GPHN: variants seen among roughly 807,000 people sequenced by gnomAD.
GPHN encodes the protein gephyrin.
Under a neutral mutation model 95.5 loss-of-function variants are expected in GPHN, and 17 were observed. The observed-to-expected ratio is 0.18, with a 90% CI of 0.12 to 0.27. GPHN has a LOEUF of 0.27. Ranked by LOEUF, GPHN falls within the 10% of genes least tolerant of loss-of-function variation. The pLI is 1.00. For synonymous variants in GPHN, 320 were observed against 322.5 expected, an observed-to-expected ratio of 0.99 and a Z score of 0.08; for missense variants, 660 against 978.1, an observed-to-expected ratio of 0.67 and a Z score of 4.34.
chr14:66,998,017 G>T (rs2071935475), intron 9 of GPHN, among the ~76,000 whole-genome samples: 1 of 152,144 alleles, frequency 6.6e-6, no homozygotes, highest in South Asian at 2.1e-4. Flanking sequence ...CCATGAGAGT[G>T]TGTAAGAAGT....
chr14:67,638,639 G>C, the GPHN span, among the ~76,000 whole-genome samples: 1 of 152,068 alleles, frequency 6.6e-6, no homozygotes, highest in Non-Finnish European at 1.5e-5. Flanking sequence ...CGTTCTTCCT[G>C]AATATTCTAG....
the GPHN span, among the ~76,000 whole-genome samples, chr14:67,388,660 CAG>C: frequency 6.6e-6 from 1 of 152,166 alleles, no homozygotes; most frequent in Non-Finnish European, 1.5e-5. Context: ...ACAAAGCAAT[CAG>C]AAATATATAT....
At chr14:67,702,437 A>G in the GPHN span, among the ~76,000 whole-genome samples, 493 of 150,934 alleles carry the variant, frequency 3.3e-3, 4 homozygotes, top group African/African-American at 0.011. Context: ...TCTTACTTAT[A>G]AAAAAAATCA....
At chr14:66,700,021 A>C (rs541058808) in intron 2 of GPHN, among the ~76,000 whole-genome samples, 9 of 152,334 alleles carry the variant, frequency 5.9e-5, no homozygotes, top group African/African-American at 2.2e-4. Flanking sequence ...GAGAGAGATT[A>C]CATATAGGAA....
Position 67,068,845 on chromosome 14 carries a change from T to C in GPHN, c.1144+10059T>C, listed in dbSNP as rs866711803. On this transcript the variant is annotated intron_variant, in intron 11 of 22. Coordinates refer to ENST00000478722, the MANE Select transcript of GPHN (RefSeq NM_020806.5). Reference sequence around the variant, plus strand: ...GGCACATGTTCCCGTCTCTGACTTCTAGCTAGTTAGCTGCCTGAGCATAGG... The same window carrying C: ...GGCACATGTTCCCGTCTCTGACTTCCAGCTAGTTAGCTGCCTGAGCATAGG... Among the ~76,000 whole-genome samples, 13 of 152,274 alleles carry C rather than the reference T, an allele frequency of 8.5e-5. 2 individuals are homozygous for C. The highest frequency in any genetic ancestry group is 3.1e-4 in the African/African-American group (13 of 41,564).
At chr14:67,139,211 A>G (rs551437567) in intron 17 of GPHN, among the ~76,000 whole-genome samples, 2 of 150,992 alleles carry the variant, frequency 1.3e-5, no homozygotes, top group African/African-American at 4.9e-5. Flanking sequence ...CAACAAAGCA[A>G]TACTCCATCT....
chr14:67,039,475 A>G (rs1182248733), intron 10 of GPHN, among the ~76,000 whole-genome samples: 1 of 152,186 alleles, frequency 6.6e-6, no homozygotes, highest in African/African-American at 2.4e-5. Context: ...ACTGTGTAAG[A>G]TAGGAATCTC....
At chr14:67,640,890 CTA>C in the GPHN span, among the ~76,000 whole-genome samples, 31 of 152,272 alleles carry the variant, frequency 2.0e-4, no homozygotes, top group South Asian at 1.0e-3. Flanking sequence ...TTGAGCGTCC[CTA>C]ATCCAGAAAT....
chr14:67,091,912 C>T lies in GPHN; in HGVS notation c.1237+2837C>T, dbSNP rs112806434. On this transcript the variant is annotated intron_variant, in intron 12 of 22. Transcript: ENST00000478722. ...ATAAACAGTCCAAGAGATTATCTACCGTGAAGCTGATTCACATTGTTTCTT... is the reference window on the plus strand; with the variant it reads ...ATAAACAGTCCAAGAGATTATCTACTGTGAAGCTGATTCACATTGTTTCTT... Among the ~76,000 whole-genome samples the T allele has an allele frequency of 3.5e-3, 535 of 151,864 alleles. 7 individuals carry two copies. The highest frequency in any genetic ancestry group is 0.012 in the African/African-American group (499 of 41,468).
chr14:67,298,767 G>A, the GPHN span, among the ~76,000 whole-genome samples: 1 of 152,164 alleles, frequency 6.6e-6, no homozygotes, highest in African/African-American at 2.4e-5. Context: ...CTGCTATCAA[G>A]TTGTAGAAGC....
At chr14:67,340,226 TAA>T in the GPHN span, 1 of 486,210 alleles carries the variant, frequency 2.1e-6, no homozygotes, top group South Asian at 3.3e-5. Context: ...CTGAAAGGCC[TAA>T]GTTTTTGGAA....
At chr14:67,381,633 T>C in the GPHN span, 1 of 1,613,780 alleles carries the variant, frequency 6.2e-7, no homozygotes, top group South Asian at 1.1e-5. Flanking sequence ...GCATTGATGC[T>C]GTAAAAGAAG....
chr14:67,419,625 G>A, the GPHN span, among the ~76,000 whole-genome samples: 1 of 152,190 alleles, frequency 6.6e-6, no homozygotes, highest in Non-Finnish European at 1.5e-5. Context: ...CACTTTGGGA[G>A]GCCGAGGCGG....
chr14:67,430,001 G>T, the GPHN span, among the ~76,000 whole-genome samples: 1 of 152,168 alleles, frequency 6.6e-6, no homozygotes, highest in Non-Finnish European at 1.5e-5. Context: ...TGGAGCAGAT[G>T]GTACCCAGGT....
intron 4 of GPHN, among the ~76,000 whole-genome samples, chr14:66,858,966 G>T (rs1278747473): frequency 6.6e-6 from 1 of 152,114 alleles, no homozygotes; most frequent in Non-Finnish European, 1.5e-5. Context: ...CTCATGATTT[G>T]AGTGCCAACT....
the GPHN span, among the ~76,000 whole-genome samples, chr14:67,654,973 G>A: frequency 7.0e-5 from 10 of 142,044 alleles, no homozygotes; most frequent in African/African-American, 2.4e-4. Flanking sequence ...AGCTTGCAGC[G>A]AGCCGAGATT....
chr14:66,588,519 G>GT (rs1186819680), intron 1 of GPHN, among the ~76,000 whole-genome samples: 1 of 152,038 alleles, frequency 6.6e-6, no homozygotes, highest in African/African-American at 2.4e-5. Context: ...GCTAACTAGA[G>GT]TAACCAGTTT....
At chr14:66,809,608 GTC>G (rs534447113) in intron 3 of GPHN, among the ~76,000 whole-genome samples, 9 of 152,144 alleles carry the variant, frequency 5.9e-5, no homozygotes, top group Non-Finnish European at 1.2e-4. Context: ...ACTATTAGGA[GTC>G]TCTATGGCAT....
Position 66,745,443 on chromosome 14 carries a change from T to A in GPHN, c.144-31021T>A, listed in dbSNP as rs538629223. 2.0e-5 allele frequency among the ~76,000 whole-genome samples: 3 copies of A among 152,246 alleles called. No homozygotes were observed. In the South Asian group the frequency reaches 6.2e-4, roughly 31 times the overall value. ...TGTTAACATTGAGACAATAATATCATAAAATATAACATACAAACCTATTTT... is the reference window on the plus strand; with the variant it reads ...TGTTAACATTGAGACAATAATATCAAAAAATATAACATACAAACCTATTTT... On this transcript the variant is annotated intron_variant, in intron 2 of 22. Transcript: ENST00000478722.
Sources: allele counts gnomAD v4.1 joint callset (sites outside exome capture counted in the v4.1 genomes callset), GRCh38; gene constraint gnomAD v4.1.1; transcripts MANE v1.5; gene names NCBI Gene and HGNC (gene_info 2026-07-23, HGNC 2026-07-21).